The following STX6 variants were observed in gnomAD, a reference collection of about 807,000 sequenced individuals.
STX6 encodes the protein syntaxin 6.
In STX6, 23 loss-of-function variants were observed where a neutral mutation model predicts 38.0. The observed-to-expected ratio is 0.60, with a 90% CI of 0.43 to 0.86. The LOEUF is 0.86. STX6 is among the 40% of genes least tolerant of loss of function. The probability of loss-of-function intolerance (pLI) is 0.00; values close to 1 mark genes in which losing one functional copy is unlikely to be tolerated. For missense variants in STX6, 274 were observed against 312.9 expected (o/e 0.88, Z 0.94); for synonymous variants, 123 against 107.5 (o/e 1.14, Z -0.89).
chr1:181,014,575 G>A (rs1337383244), intron 1 of STX6, among the ~76,000 whole-genome samples: 1 of 152,144 alleles, frequency 6.6e-6, no homozygotes, highest in Non-Finnish European at 1.5e-5. Context: ...AGTCAAGGCT[G>A]AAAGTTTCCA....
intron 1 of STX6, among the ~76,000 whole-genome samples, chr1:181,014,326 G>A (rs565115831): frequency 2.6e-5 from 4 of 151,398 alleles, no homozygotes; most frequent in South Asian, 4.2e-4. Flanking sequence ...CCCAGGAGGC[G>A]AAGGTTGCAG....
intron 1 of STX6, among the ~76,000 whole-genome samples, chr1:181,019,631 C>T (rs1391216884): frequency 1.3e-5 from 2 of 152,128 alleles, no homozygotes; most frequent in Non-Finnish European, 2.9e-5. Flanking sequence ...TCAGTGAGGT[C>T]AGGAAGTGTT....
At chr1:181,004,854 G>A (rs1656181113) in intron 2 of STX6, among the ~76,000 whole-genome samples, 1 of 151,832 alleles carries the variant, frequency 6.6e-6, no homozygotes, top group Non-Finnish European at 1.5e-5. Context: ...GCAGTCTTGT[G>A]GGACTGAGCT....
intron 7 of STX6, among the ~76,000 whole-genome samples, chr1:180,978,680 G>T (rs567416055): frequency 6.6e-6 from 1 of 152,288 alleles, no homozygotes; most frequent in African/African-American, 2.4e-5. Context: ...CCTGGGGGAA[G>T]GAAAATACCC....
chr1:180,995,308 G>A lies in STX6; in HGVS notation c.301-1883C>T, dbSNP rs1042012385. ...TTCCCTAGGCCCCTATGAGACCTAC[G>A]AAGTCAGACTCTTGACGGCACATTT... On this transcript the variant is annotated intron_variant, in intron 3 of 7. Transcript: ENST00000258301. Among the ~76,000 whole-genome samples the A allele has an allele frequency of 2.6e-5, 4 of 152,062 alleles. No individual in the cohort carries two copies. In the South Asian group the frequency reaches 6.2e-4, roughly 24 times the overall value.
intron 1 of STX6, among the ~76,000 whole-genome samples, chr1:181,017,194 G>A (rs1656583377): frequency 6.6e-6 from 1 of 151,872 alleles, no homozygotes; most frequent in Non-Finnish European, 1.5e-5. Flanking sequence ...AGACCATCCT[G>A]GCTAACACAG....
chr1:180,973,819 C>T lies in STX6; in HGVS notation c.*2751G>A, dbSNP rs1655182357. 1 of 152,194 alleles carries T rather than the reference C, an allele frequency of 6.6e-6. No individual in the cohort carries two copies. The highest frequency in any genetic ancestry group is 1.5e-5 in the Non-Finnish European group (1 of 68,042). 9.4% of individuals were successfully genotyped at this position (152,194 alleles called of 1,614,324 possible). A position where few individuals can be genotyped will look rare whatever the true frequency, so the allele number is the denominator to read the frequency against. ...AAACTCAGTAGTTCACTCCCTCCCA[C>T]CCCTCAAATCATTTAAGTAAAATGT... On this transcript the variant is annotated 3_prime_UTR_variant, in exon 8 of 8. Coordinates refer to ENST00000258301, the MANE Select transcript of STX6 (RefSeq NM_005819.6).
intron 1 of STX6, among the ~76,000 whole-genome samples, chr1:181,018,967 C>G (rs954908217): frequency 2.0e-5 from 3 of 152,124 alleles, no homozygotes; most frequent in Non-Finnish European, 4.4e-5. Context: ...CTGAGTACAC[C>G]ACTTATTAGC....
chr1:181,020,031 C>T (rs540696400), intron 1 of STX6, among the ~76,000 whole-genome samples: 21 of 151,902 alleles, frequency 1.4e-4, no homozygotes, highest in East Asian at 3.9e-4. Context: ...GGCGTGGTGG[C>T]GGGTGCCCTG....
At chr1:181,006,516 A>G (rs1656228240) in intron 1 of STX6, among the ~76,000 whole-genome samples, 1 of 151,886 alleles carries the variant, frequency 6.6e-6, no homozygotes, top group Admixed American at 6.6e-5. Context: ...ATCTAATACT[A>G]TCACATATAA....
intron 3 of STX6, among the ~76,000 whole-genome samples, chr1:180,999,630 C>A (rs542919483): frequency 6.8e-6 from 1 of 146,158 alleles, no homozygotes; most frequent in Admixed American, 7.0e-5. Context: ...AAGAAACAGG[C>A]GATTTACTTC....
At chr1:180,999,543 A>G (rs1239349239) in intron 3 of STX6, among the ~76,000 whole-genome samples, 1 of 152,194 alleles carries the variant, frequency 6.6e-6, no homozygotes, top group Non-Finnish European at 1.5e-5. Flanking sequence ...CAGACTTAAA[A>G]GATGCTTGGA....
In STX6 at chr1:180,972,948, G is replaced by T. The variant is rs1402218188; in HGVS notation, c.*3622C>A. The stretch of plus-strand genomic sequence containing the variant: ...AAGCAAAGGCCCTGGGAGGAGTAAG[G>T]CCTGTCACTGGGGCAGGGGCACTGT... On this transcript the variant is annotated 3_prime_UTR_variant, in exon 8 of 8. Coordinates refer to ENST00000258301, the MANE Select transcript of STX6 (RefSeq NM_005819.6). 1 of 224,916 alleles carries T rather than the reference G, an allele frequency of 4.4e-6. No homozygotes were observed. Among genetic ancestry groups the T allele is most frequent in the East Asian group, 1.2e-4 (1 of 8,182 alleles). The allele number at this position is 224,916 out of a possible 1,614,324, so 13.9% of individuals were successfully genotyped here. A position where few individuals can be genotyped will look rare whatever the true frequency, so the allele number is the denominator to read the frequency against.
intron 1 of STX6, among the ~76,000 whole-genome samples, chr1:181,007,643 A>G (rs1347886837): frequency 1.3e-5 from 2 of 152,230 alleles, no homozygotes; most frequent in Admixed American, 6.5e-5. Context: ...CCACCAGTAC[A>G]CAATGATGAT....
chr1:181,008,727 GTTTTTTTTTTTTT>G (rs55654509), intron 1 of STX6, among the ~76,000 whole-genome samples: 1 of 108,710 alleles, frequency 9.2e-6, no homozygotes, highest in Non-Finnish European at 1.8e-5. Context: ...TTCCAAAATT[GTTTTTTTTTTTTT>G]TTTTTTTTTA....
At position 180,975,814 on chromosome 1, in the gene STX6, G is replaced by C. The variant is rs1655231817; in HGVS notation, c.*756C>G. 6.6e-6 allele frequency: 1 copy of C among 152,196 alleles called. No individual in the cohort carries two copies. 9.4% of individuals were successfully genotyped at this position (152,196 alleles called of 1,614,324 possible). A position where few individuals can be genotyped will look rare whatever the true frequency, so the allele number is the denominator to read the frequency against. On this transcript the variant is annotated 3_prime_UTR_variant, in exon 8 of 8. Transcript: ENST00000258301. ...GGCAAGGATCAGGAGCTGACCTGTG[G>C]CGACATCATTAACCCTTCCCTAAGC... is the stretch of plus-strand genomic sequence containing the variant.
intron 1 of STX6, among the ~76,000 whole-genome samples, chr1:181,010,250 T>C (rs1036467080): frequency 1.2e-4 from 19 of 152,130 alleles, no homozygotes; most frequent in African/African-American, 4.6e-4. Flanking sequence ...ATGAGAAAAA[T>C]TATACTTGAG....
intron 1 of STX6, among the ~76,000 whole-genome samples, chr1:181,019,403 T>C (rs1367234010): frequency 1.4e-5 from 2 of 146,112 alleles, no homozygotes; most frequent in South Asian, 2.2e-4. Context: ...AGTCTAATAA[T>C]GAAAGAGAGA....
At chr1:181,020,154 G>A (rs1372274278) in intron 1 of STX6, among the ~76,000 whole-genome samples, 2 of 152,038 alleles carry the variant, frequency 1.3e-5, no homozygotes, top group Non-Finnish European at 2.9e-5. Context: ...GGCAGAGGTT[G>A]CAGTGAGCCG....
Sources: allele counts gnomAD v4.1 joint callset (sites outside exome capture counted in the v4.1 genomes callset), GRCh38; gene constraint gnomAD v4.1.1; transcripts MANE v1.5; gene names NCBI Gene and HGNC (gene_info 2026-07-23, HGNC 2026-07-21).